OR51B5: variants seen among roughly 807,000 people sequenced by gnomAD.
OR51B5 encodes the protein olfactory receptor family 51 subfamily B member 5, also known as olfactory receptor 51B5.
For synonymous variants in OR51B5, 186 were observed against 144.8 expected (o/e 1.28, Z -2.04); for missense variants, 456 against 374.6 (o/e 1.22, Z -1.79).
intron 1 of OR51B5, chr11:5,489,477 T>C: frequency 6.2e-7 from 1 of 1,614,068 alleles, no homozygotes; most frequent in South Asian, 1.1e-5. Flanking sequence ...TCTACATCCC[T>C]GCCTTCTTCT....
chr11:5,492,312 G>A (rs1590028092), intron 1 of OR51B5, among the ~76,000 whole-genome samples: 1 of 152,060 alleles, frequency 6.6e-6, no homozygotes. Context: ...TCTTCCCTCT[G>A]AGCTCTGAAG....
chr11:5,482,038 G>A (rs908840841), intron 1 of OR51B5, among the ~76,000 whole-genome samples: 2 of 119,902 alleles, frequency 1.7e-5, no homozygotes, highest in Non-Finnish European at 3.3e-5. Context: ...AAAAGAGCCT[G>A]CATCACCAAG....
chr11:5,498,409 A>T (rs1851680641), intron 1 of OR51B5, among the ~76,000 whole-genome samples: 1 of 152,152 alleles, frequency 6.6e-6, no homozygotes, highest in African/African-American at 2.4e-5. Flanking sequence ...ACTTAATCTT[A>T]ATCTTAAGGC....
intron 1 of OR51B5, among the ~76,000 whole-genome samples, chr11:5,444,794 T>C (rs948572290): frequency 3.3e-5 from 5 of 151,848 alleles, no homozygotes; most frequent in Non-Finnish European, 7.4e-5. Flanking sequence ...GAAGAGTGAG[T>C]TGGGCCATAA....
chr11:5,493,637 T>G (rs1247240011), intron 1 of OR51B5, among the ~76,000 whole-genome samples: 1 of 152,168 alleles, frequency 6.6e-6, no homozygotes, highest in East Asian at 1.9e-4. Flanking sequence ...CAGAAAATAG[T>G]AAGTCTCCAA....
chr11:5,388,128 A>T lies in OR51B5; in HGVS notation n.85-41218T>A, dbSNP rs548484850. Reference sequence around the variant, plus strand: ...GAAATAATTGAATATTGAAATAATTATTGAAATAAGATTAATGGTAATGAT... The same window carrying T: ...GAAATAATTGAATATTGAAATAATTTTTGAAATAAGATTAATGGTAATGAT... On this transcript the variant is annotated intron_variant and non_coding_transcript_variant, in intron 1 of 4. Transcript: ENST00000415970. Among the ~76,000 whole-genome samples the T allele has an allele frequency of 3.3e-5, 5 of 152,292 alleles. No individual in the cohort carries two copies. The South Asian group carries it at 8.3e-4, about 25-fold the overall frequency.
chr11:5,352,401 G>C (rs1436455886), intron 1 of OR51B5: 1 of 1,612,094 alleles, frequency 6.2e-7, no homozygotes, highest in African/African-American at 1.3e-5. Context: ...AGCAGATTCA[G>C]AGTGGCATAC....
chr11:5,419,584 A>G (rs1850299347), intron 1 of OR51B5, among the ~76,000 whole-genome samples: 1 of 152,214 alleles, frequency 6.6e-6, no homozygotes, highest in Non-Finnish European at 1.5e-5. Flanking sequence ...TTATTTAAGC[A>G]TAAAGGAGTA....
chr11:5,504,504 A>G (rs553025209), intron 1 of OR51B5, among the ~76,000 whole-genome samples: 2 of 152,302 alleles, frequency 1.3e-5, no homozygotes, highest in Admixed American at 1.3e-4. Flanking sequence ...ATCTTGGGCC[A>G]TGGCTGATAG....
chr11:5,445,215 T>C (rs959792227), intron 1 of OR51B5, among the ~76,000 whole-genome samples: 3 of 152,152 alleles, frequency 2.0e-5, no homozygotes, highest in African/African-American at 7.2e-5. Context: ...CTTAAAGAAA[T>C]GATCAAATAT....
chr11:5,384,264 C>T lies in OR51B5; in HGVS notation n.85-37354G>A, dbSNP rs770127942. Among the ~76,000 whole-genome samples, 5 of 152,080 alleles carry T rather than the reference C, an allele frequency of 3.3e-5. No homozygotes were observed. The East Asian group carries it at 5.8e-4, about 18-fold the overall frequency. On this transcript the variant is annotated intron_variant and non_coding_transcript_variant, in intron 1 of 4. Transcript: ENST00000415970. Reference sequence around the variant, plus strand: ...ATCATAGCTCACTGTAAACTCAAACCGGATTCAAGCAATCCTCCCACCTTA... The same window carrying T: ...ATCATAGCTCACTGTAAACTCAAACTGGATTCAAGCAATCCTCCCACCTTA...
chr11:5,453,447 CAGA>C, intron 1 of OR51B5: 8 of 1,417,734 alleles, frequency 5.6e-6, no homozygotes, highest in Non-Finnish European at 6.6e-6. Context: ...TTCTCCAAGT[CAGA>C]AGATCTGACT....
intron 1 of OR51B5, among the ~76,000 whole-genome samples, chr11:5,444,287 A>G (rs536040645): frequency 6.6e-6 from 1 of 152,166 alleles, no homozygotes; most frequent in Non-Finnish European, 1.5e-5. Flanking sequence ...TGTACACACA[A>G]AAGTCAGGTA....
At position 5,472,354 on chromosome 11, in the gene OR51B5, G is replaced by C. The variant is rs144927434; in HGVS notation, n.84+33215C>G. ...GAAGGAGGTGCCTGAGGGCCTCTGT[G>C]GGGGAAGAGATGAGGTCCCCACTTA... On this transcript the variant is annotated intron_variant and non_coding_transcript_variant, in intron 1 of 4. Transcript: ENST00000415970. 3.3e-5 allele frequency among the ~76,000 whole-genome samples: 5 copies of C among 152,286 alleles called. No individual in the cohort carries two copies. In the East Asian group the frequency reaches 7.7e-4, roughly 24 times the overall value.
chr11:5,386,470 T>C (rs756121813), intron 1 of OR51B5, among the ~76,000 whole-genome samples: 5 of 152,242 alleles, frequency 3.3e-5, no homozygotes, highest in African/African-American at 4.8e-5. Context: ...ACATGAAATA[T>C]TCATGATTAT....
chr11:5,347,970 A>C (rs1384804647), upstream of OR51B5, among the ~76,000 whole-genome samples: 10 of 152,230 alleles, frequency 6.6e-5, no homozygotes, highest in African/African-American at 2.4e-5. Flanking sequence ...GGAACTGAAG[A>C]ATGGAAGGGA....
At chr11:5,494,479 T>A (rs752166385) in intron 1 of OR51B5, among the ~76,000 whole-genome samples, 10 of 152,214 alleles carry the variant, frequency 6.6e-5, no homozygotes, top group Non-Finnish European at 1.5e-4. Context: ...AACCATACTT[T>A]ATCTTTCTGG....
intron 1 of OR51B5, among the ~76,000 whole-genome samples, chr11:5,469,674 A>G (rs1014536141): frequency 6.6e-6 from 1 of 152,114 alleles, no homozygotes; most frequent in Non-Finnish European, 1.5e-5. Context: ...TAATTTTTAG[A>G]TATTATCCTT....
intron 1 of OR51B5, among the ~76,000 whole-genome samples, chr11:5,475,542 CT>C (rs1210739781): frequency 2.0e-5 from 3 of 152,158 alleles, no homozygotes; most frequent in Non-Finnish European, 4.4e-5. Context: ...ATGGATCCCC[CT>C]AACCCCTTAG....
Sources: allele counts gnomAD v4.1 joint callset (sites outside exome capture counted in the v4.1 genomes callset), GRCh38; gene constraint gnomAD v4.1.1; transcripts MANE v1.5; gene names NCBI Gene and HGNC (gene_info 2026-07-23, HGNC 2026-07-21).